Variants in LAMA2 observed in about 807,000 individuals in gnomAD.
The protein encoded by LAMA2 is laminin subunit alpha-2.
Under a neutral mutation model 364.8 loss-of-function variants are expected in LAMA2, and 269 were observed. The ratio of observed to expected loss-of-function variants is 0.74; its 90% CI spans 0.67 to 0.82. The LOEUF (loss-of-function observed/expected upper bound fraction) is 0.82. LAMA2 is among the 40% of genes least tolerant of loss of function. The pLI, the probability that LAMA2 is intolerant of heterozygous loss-of-function variation, is 0.00. For synonymous variants in LAMA2, 1,379 were observed against 1,370.6 expected (o/e 1.01, Z -0.14); for missense variants, 3,807 against 3,873.2 (o/e 0.98, Z 0.45).
intron 4 of LAMA2, among the ~76,000 whole-genome samples, chr6:129,127,250 A>T (rs1777173020): frequency 6.6e-6 from 1 of 152,186 alleles, no homozygotes; most frequent in South Asian, 2.1e-4. Context: ...CTCCATTCCC[A>T]CAGCCCTCAG....
intron 1 of LAMA2, among the ~76,000 whole-genome samples, chr6:129,039,271 C>A (rs12192258): frequency 0.096 from 14,592 of 151,962 alleles, 919 homozygotes; most frequent in South Asian, 0.16. Context: ...GAAAGATGAA[C>A]ATGCAACAAA....
At chr6:129,100,062 A>C (rs770581678) in intron 4 of LAMA2, among the ~76,000 whole-genome samples, 18 of 152,214 alleles carry the variant, frequency 1.2e-4, no homozygotes, top group Non-Finnish European at 2.4e-4. Flanking sequence ...AAAATGATTC[A>C]ATTCAGAAAT....
At chr6:129,391,682 TTGACAAAC>T in intron 36 of LAMA2, 29 bp downstream of exon 36, 1 of 1,588,958 alleles carries the variant, frequency 6.3e-7, no homozygotes, top group Non-Finnish European at 8.6e-7. Flanking sequence ...ATTTTTTCTT[TTGACAAAC>T]TGAGATTTCC....
intron 12 of LAMA2, 132 bp downstream of exon 12, chr6:129,192,985 C>G: frequency 1.0e-6 from 1 of 968,486 alleles, no homozygotes; most frequent in Non-Finnish European, 1.6e-6. Flanking sequence ...CCAGCTAAAT[C>G]ACATTGAGTT....
At chr6:129,490,627 A>C (rs1373116501) in intron 56 of LAMA2, 1 of 152,238 alleles carries the variant, frequency 6.6e-6, no homozygotes, top group African/African-American at 2.4e-5. Context: ...CTAAAGGGGA[A>C]AAAGAGTGTA....
At chr6:129,188,893 C>CA (rs1292885215) in intron 10 of LAMA2, among the ~76,000 whole-genome samples, 1 of 151,956 alleles carries the variant, frequency 6.6e-6, no homozygotes, top group Non-Finnish European at 1.5e-5. Context: ...TATATGTTCT[C>CA]AGATTTTATC....
At chr6:129,370,640 C>G (rs1303572301) in intron 34 of LAMA2, among the ~76,000 whole-genome samples, 1 of 152,132 alleles carries the variant, frequency 6.6e-6, no homozygotes, top group East Asian at 1.9e-4. Context: ...AACGGGGCTG[C>G]AAAGTACGGA....
At chr6:129,514,829 G>A (rs140948550) in intron 64 of LAMA2, among the ~76,000 whole-genome samples, 6 of 152,232 alleles carry the variant, frequency 3.9e-5, no homozygotes, top group Non-Finnish European at 5.9e-5. Flanking sequence ...AGTTTCCTTC[G>A]TGGAGAGATT....
chr6:129,242,690 A>G (rs531342803), intron 12 of LAMA2, among the ~76,000 whole-genome samples: 1 of 152,298 alleles, frequency 6.6e-6, no homozygotes, highest in South Asian at 2.1e-4. Flanking sequence ...TCATCCAAAC[A>G]TAAGTTAGTA....
intron 4 of LAMA2, among the ~76,000 whole-genome samples, chr6:129,102,751 A>T (rs1775591094): frequency 6.6e-6 from 1 of 152,186 alleles, no homozygotes; most frequent in Non-Finnish European, 1.5e-5. Flanking sequence ...GAGAGCTAGT[A>T]TATTGTCTTC....
intron 1 of LAMA2, among the ~76,000 whole-genome samples, chr6:128,957,037 GAC>G (rs1489408483): frequency 1.3e-5 from 2 of 152,066 alleles, no homozygotes; most frequent in Non-Finnish European, 2.9e-5. Flanking sequence ...AGTTTCTCAG[GAC>G]ACTCTTCTGT....
At chr6:129,079,777 A>G (rs1773920966) in intron 3 of LAMA2, among the ~76,000 whole-genome samples, 1 of 152,102 alleles carries the variant, frequency 6.6e-6, no homozygotes, top group African/African-American at 2.4e-5. Flanking sequence ...AGGAAATTAA[A>G]TCCTGGACAA....
At chr6:129,420,058 A>T (rs1781000034) in intron 40 of LAMA2, among the ~76,000 whole-genome samples, 1 of 152,126 alleles carries the variant, frequency 6.6e-6, no homozygotes, top group Non-Finnish European at 1.5e-5. Context: ...AAGCAAGAAG[A>T]AGAAAATATA....
chr6:129,494,186 A>G (rs1276842055), intron 58 of LAMA2, among the ~76,000 whole-genome samples: 1 of 152,204 alleles, frequency 6.6e-6, no homozygotes, highest in Non-Finnish European at 1.5e-5. Context: ...CCATACCAGT[A>G]ATGGGTGGGC....
At chr6:129,076,338 T>A (rs1280686313) in intron 3 of LAMA2, among the ~76,000 whole-genome samples, 1 of 150,186 alleles carries the variant, frequency 6.7e-6, no homozygotes, top group Non-Finnish European at 1.5e-5. Context: ...GCAGATGCTG[T>A]GAGGTACAAA....
chr6:129,395,322 AT>A lies in LAMA2; in HGVS notation c.5445+2071del, dbSNP rs571577300. Among the ~76,000 whole-genome samples, 3 of 152,330 alleles carry A rather than the reference AT, an allele frequency of 2.0e-5. No homozygotes were observed. In the South Asian group the frequency reaches 6.2e-4, roughly 32 times the overall value. On this transcript the variant is annotated intron_variant, in intron 37 of 64. Coordinates refer to ENST00000421865, the MANE Select transcript of LAMA2 (RefSeq NM_000426.4). ...TACCCAACTCAAAAACTTTTTATTT[AT>A]TTTAAGGTGGCATGTAATTTTCTTT...
chr6:128,915,487 T>TA (rs1778251076), intron 1 of LAMA2, among the ~76,000 whole-genome samples: 1 of 152,152 alleles, frequency 6.6e-6, no homozygotes, highest in Admixed American at 6.6e-5. Context: ...GTAGGATAAG[T>TA]ACAGCCCACT....
chr6:129,246,246 C>T lies in LAMA2; in HGVS notation c.1783-3866C>T, dbSNP rs533178676. Among the ~76,000 whole-genome samples the T allele has an allele frequency of 2.0e-5, 3 of 152,266 alleles. No homozygotes were observed. In the South Asian group the frequency reaches 6.2e-4, roughly 32 times the overall value. On this transcript the variant is annotated intron_variant, in intron 12 of 64. Coordinates refer to ENST00000421865, the MANE Select transcript of LAMA2 (RefSeq NM_000426.4). ...TTTGTGCAGTTCTTGCTTTTAATTA[C>T]AGTCTCTTCTGAAAACCTTTCTTAA... is the stretch of plus-strand genomic sequence containing the variant.
chr6:129,409,435 A>T (rs1396440744), intron 40 of LAMA2, among the ~76,000 whole-genome samples: 4 of 152,168 alleles, frequency 2.6e-5, no homozygotes, highest in Admixed American at 1.3e-4. Flanking sequence ...CTCGAGCCTG[A>T]TCATGTATAT....
Sources: gnomAD v4.1 joint callset for allele counts (sites outside exome capture counted in the v4.1 genomes callset) on GRCh38, gnomAD v4.1.1 for gene constraint, MANE v1.5 for transcripts, NCBI Gene and HGNC (gene_info 2026-07-23, HGNC 2026-07-21) for gene names.